Variants in BCAP29 observed in about 807,000 individuals in gnomAD.
BCAP29 encodes B cell receptor associated protein 29.
Under a neutral mutation model 31.8 loss-of-function variants are expected in BCAP29, and 34 were observed. That is an observed-to-expected ratio of 1.07 (90% confidence interval 0.81 to 1.42). The LOEUF (loss-of-function observed/expected upper bound fraction) is 1.42, where lower values mean the gene tolerates loss of function less well. BCAP29 is among the 40% of genes most tolerant of loss of function. BCAP29 has a pLI of 0.00. For synonymous variants in BCAP29, 104 were observed against 91.3 expected (o/e 1.14, Z -0.79); for missense variants, 314 against 269.2 (o/e 1.17, Z -1.16).
At chr7:107,611,349 T>C (rs1813095657) in intron 6 of BCAP29, among the ~76,000 whole-genome samples, 1 of 152,086 alleles carries the variant, frequency 6.6e-6, no homozygotes, top group Non-Finnish European at 1.5e-5. Flanking sequence ...AGAGAATTGC[T>C]TGAGCCCAGG....
At chr7:107,613,698 TGGCA>T in intron 7 of BCAP29, 1 of 1,606,478 alleles carries the variant, frequency 6.2e-7, no homozygotes, top group Non-Finnish European at 8.5e-7. Context: ...GCCACAAAAA[TGGCA>T]GCATTGGAAA....
chr7:107,581,493 C>A (rs1024025778), intron 2 of BCAP29, among the ~76,000 whole-genome samples: 1 of 152,186 alleles, frequency 6.6e-6, no homozygotes, highest in African/African-American at 2.4e-5. Flanking sequence ...TACAGTGTTT[C>A]AAGCCAAGCA....
chr7:107,583,784 T>G (rs1196927122), intron 2 of BCAP29, 98 bp from the exon 3 acceptor site: 2 of 517,212 alleles, frequency 3.9e-6, no homozygotes, highest in Non-Finnish European at 6.7e-6. Flanking sequence ...AATTTTCACT[T>G]GCTACACAAT....
intron 3 of BCAP29, among the ~76,000 whole-genome samples, chr7:107,585,695 T>G (rs1807530328): frequency 6.6e-6 from 1 of 152,048 alleles, no homozygotes; most frequent in East Asian, 1.9e-4. Context: ...TTGGTTACAT[T>G]AGAAACAAAC....
chr7:107,608,263 A>C (rs796685119), intron 6 of BCAP29, among the ~76,000 whole-genome samples: 13 of 151,904 alleles, frequency 8.6e-5, no homozygotes, highest in African/African-American at 3.1e-4. Context: ...GTATCTGTGT[A>C]AATTGTTTGG....
intron 7 of BCAP29, among the ~76,000 whole-genome samples, chr7:107,617,471 T>TA (rs970032176): frequency 1.5e-4 from 22 of 150,952 alleles, no homozygotes; most frequent in Admixed American, 4.0e-4. Context: ...GCCTCTCTTC[T>TA]AAAAAAAAAG....
At chr7:107,616,036 T>C (rs1814069090) in intron 7 of BCAP29, among the ~76,000 whole-genome samples, 1 of 152,180 alleles carries the variant, frequency 6.6e-6, no homozygotes, top group Admixed American at 6.5e-5. Flanking sequence ...TTGCTGATCA[T>C]TGGATTGTGT....
intron 6 of BCAP29, among the ~76,000 whole-genome samples, chr7:107,607,071 T>C (rs1329952933): frequency 1.3e-5 from 2 of 152,152 alleles, no homozygotes; most frequent in Non-Finnish European, 2.9e-5. Context: ...TCCCAGCACT[T>C]TGGGAGGCCG....
chr7:107,584,923 T>G (rs760045865), intron 3 of BCAP29, among the ~76,000 whole-genome samples: 2 of 152,228 alleles, frequency 1.3e-5, no homozygotes, highest in Non-Finnish European at 2.9e-5. Flanking sequence ...GTTTACATAA[T>G]GTCTGTACTC....
chr7:107,585,294 A>G (rs1807442272), intron 3 of BCAP29, among the ~76,000 whole-genome samples: 1 of 152,216 alleles, frequency 6.6e-6, no homozygotes, highest in Non-Finnish European at 1.5e-5. Context: ...CTCTTTATAA[A>G]ACTAAGAACA....
At chr7:107,600,621 A>T in intron 6 of BCAP29, 116 bp downstream of exon 6, 1 of 569,504 alleles carries the variant, frequency 1.8e-6, no homozygotes, top group Non-Finnish European at 3.1e-6. Context: ...AGATACCGAG[A>T]ATGACCTATT....
intron 6 of BCAP29, among the ~76,000 whole-genome samples, chr7:107,604,869 G>A (rs1811809109): frequency 6.6e-6 from 1 of 151,244 alleles, no homozygotes; most frequent in African/African-American, 2.4e-5. Context: ...GGTTGTGCCA[G>A]TAGGCAATAT....
intron 6 of BCAP29, among the ~76,000 whole-genome samples, chr7:107,605,653 G>A (rs74433200): frequency 0.025 from 3,841 of 152,336 alleles, 172 homozygotes; most frequent in African/African-American, 0.087. Context: ...GTGAATGATT[G>A]TGCTGTATGG....
At chr7:107,590,829 AAAAAAAAG>A (rs1208323092) in intron 3 of BCAP29, among the ~76,000 whole-genome samples, 67 of 104,340 alleles carry the variant, frequency 6.4e-4, no homozygotes, top group South Asian at 5.2e-3. Context: ...AGAAAAAAAA[AAAAAAAAG>A]AAAGAAAGAA....
At chr7:107,586,714 TA>T (rs1807752617) in intron 3 of BCAP29, among the ~76,000 whole-genome samples, 1 of 151,634 alleles carries the variant, frequency 6.6e-6, no homozygotes, top group African/African-American at 2.4e-5. Flanking sequence ...ATTTTCTTTT[TA>T]TATGTATTTA....
intron 6 of BCAP29, among the ~76,000 whole-genome samples, chr7:107,611,286 G>A (rs1168061106): frequency 6.6e-6 from 1 of 152,044 alleles, no homozygotes; most frequent in Admixed American, 6.6e-5. Flanking sequence ...ACCATTGTAG[G>A]CCAGGGGCAG....
intron 6 of BCAP29, among the ~76,000 whole-genome samples, chr7:107,608,706 TCTTTG>T (rs1481195486): frequency 2.0e-5 from 3 of 152,242 alleles, no homozygotes; most frequent in Admixed American, 6.5e-5. Flanking sequence ...AAGAATGGTC[TCTTTG>T]CTTTGTTTTG....
chr7:107,621,663 GA>G, downstream of BCAP29: 1 of 470,930 alleles, frequency 2.1e-6, no homozygotes, highest in Non-Finnish European at 4.4e-6. Context: ...CAGAAGAGGA[GA>G]AAGCACAGTG....
chr7:107,609,676 A>C (rs1021378651), intron 6 of BCAP29, among the ~76,000 whole-genome samples: 1 of 152,218 alleles, frequency 6.6e-6, no homozygotes, highest in Admixed American at 6.5e-5. Context: ...ACTGAACAGA[A>C]GTTTGTATGT....
Sources: gnomAD v4.1 joint callset for allele counts (sites outside exome capture counted in the v4.1 genomes callset) on GRCh38, gnomAD v4.1.1 for gene constraint, MANE v1.5 for transcripts, NCBI Gene and HGNC (gene_info 2026-07-23, HGNC 2026-07-21) for gene names.